The following PARD3 variants were observed in gnomAD, a reference collection of about 807,000 sequenced individuals.
The protein encoded by PARD3 is partitioning defective 3 homolog.
A neutral mutation model predicts 155.4 loss-of-function variants in PARD3; 75 were observed. The observed-to-expected ratio is 0.48, with a 90% CI of 0.40 to 0.58. PARD3 has a LOEUF of 0.58. Among genes scored for constraint, PARD3 ranks in the 20% least tolerant of loss-of-function variants. The pLI is 0.00. For synonymous variants in PARD3, 576 were observed against 610.5 expected, an observed-to-expected ratio of 0.94 and a Z score of 0.83; for missense variants, 1,642 against 1,721.7, an observed-to-expected ratio of 0.95 and a Z score of 0.82.
intron 5 of PARD3, among the ~76,000 whole-genome samples, chr10:34,447,894 A>G (rs1292487806): frequency 1.3e-5 from 2 of 152,198 alleles, no homozygotes; most frequent in Non-Finnish European, 2.9e-5. Flanking sequence ...TGGTAATGTA[A>G]ATTAGGACAG....
intron 15 of PARD3, chr10:34,344,121 T>G (rs1837124114): frequency 1.4e-5 from 14 of 979,636 alleles, no homozygotes; most frequent in Non-Finnish European, 1.7e-5. Flanking sequence ...AGTTTTGTTT[T>G]AAAAAGAAAA....
intron 19 of PARD3, among the ~76,000 whole-genome samples, chr10:34,329,301 AT>A (rs1303407976): frequency 1.3e-5 from 2 of 152,166 alleles, no homozygotes; most frequent in Non-Finnish European, 2.9e-5. Flanking sequence ...ATTAAATAAC[AT>A]TTTAACCAGA....
chr10:34,222,773 T>C (rs926557619), intron 22 of PARD3, among the ~76,000 whole-genome samples: 18 of 152,194 alleles, frequency 1.2e-4, no homozygotes, highest in African/African-American at 2.9e-4. Context: ...CAGAGTCACA[T>C]TGCTCCTCTG....
intron 22 of PARD3, among the ~76,000 whole-genome samples, chr10:34,172,007 C>CCAACTTCT (rs1435481779): frequency 6.6e-6 from 1 of 150,428 alleles, no homozygotes; most frequent in East Asian, 1.9e-4. Flanking sequence ...AACCCAACCC[C>CCAACTTCT]CAACTTCTCT....
intron 1 of PARD3, among the ~76,000 whole-genome samples, chr10:34,696,910 A>C (rs545545204): frequency 1.1e-4 from 16 of 152,044 alleles, no homozygotes; most frequent in African/African-American, 3.9e-4. Flanking sequence ...AGGTCTAAAG[A>C]TAGGGACACA....
chr10:34,229,614 T>G (rs1261623264), intron 22 of PARD3, among the ~76,000 whole-genome samples: 1 of 151,970 alleles, frequency 6.6e-6, no homozygotes, highest in Non-Finnish European at 1.5e-5. Context: ...ACTATCATTT[T>G]GCTCTTGTTC....
intron 7 of PARD3, 31 bp downstream of exon 7, chr10:34,399,299 G>T: frequency 3.9e-6 from 5 of 1,296,924 alleles, no homozygotes; most frequent in Non-Finnish European, 1.1e-6. Context: ...TCTACATTAT[G>T]ATTCAATTAA....
intron 2 of PARD3, among the ~76,000 whole-genome samples, chr10:34,625,809 G>A (rs2091953525): frequency 1.3e-5 from 2 of 152,172 alleles, no homozygotes; most frequent in Non-Finnish European, 2.9e-5. Context: ...TACTTGGGAG[G>A]CTGAGGCAGG....
intron 18 of PARD3, among the ~76,000 whole-genome samples, chr10:34,332,222 A>G (rs757993060): frequency 6.6e-6 from 1 of 152,156 alleles, no homozygotes; most frequent in Non-Finnish European, 1.5e-5. Flanking sequence ...GATAATACCA[A>G]TAGTACCAAG....
intron 22 of PARD3, among the ~76,000 whole-genome samples, chr10:34,171,948 C>G (rs1949813268): frequency 1.7e-5 from 1 of 60,200 alleles, no homozygotes. Flanking sequence ...GAGACTCCAT[C>G]TCAAAAAAAA....
chr10:34,233,928 C>G (rs1167604956), intron 22 of PARD3, among the ~76,000 whole-genome samples: 1 of 152,072 alleles, frequency 6.6e-6, no homozygotes, highest in African/African-American at 2.4e-5. Flanking sequence ...CTGCCTTCTG[C>G]AGTTATTATC....
intron 1 of PARD3, among the ~76,000 whole-genome samples, chr10:34,709,088 G>A (rs1420309344): frequency 6.6e-6 from 1 of 152,046 alleles, no homozygotes; most frequent in East Asian, 1.9e-4. Context: ...CAAAATGCTT[G>A]GGACCAAAAG....
At chr10:34,731,109 G>A (rs2094809530) in intron 1 of PARD3, among the ~76,000 whole-genome samples, 1 of 108,090 alleles carries the variant, frequency 9.3e-6, no homozygotes, top group African/African-American at 3.0e-5. Flanking sequence ...TGTTGAATAC[G>A]CTATGAGCAA....
chr10:34,805,412 C>T (rs970307816), intron 1 of PARD3, among the ~76,000 whole-genome samples: 3 of 151,878 alleles, frequency 2.0e-5, no homozygotes, highest in African/African-American at 7.3e-5. Context: ...AGTTCCAAAA[C>T]CTTAAATCTT....
At position 34,332,572 on chromosome 10, in the gene PARD3, G is replaced by C. The variant is rs1835729303; in HGVS notation, c.2606-1228C>G. Among the ~76,000 whole-genome samples, 3 of 152,210 alleles carry C rather than the reference G, an allele frequency of 2.0e-5. No homozygotes were observed. In the South Asian group the frequency reaches 6.2e-4, roughly 32 times the overall value. On this transcript the variant is annotated intron_variant, in intron 18 of 24. Coordinates refer to ENST00000374788, the MANE Select transcript of PARD3 (RefSeq NM_001184785.2). ...AAATAGAATTAAAATTACACTGAAAGACTCAAAACAAAATTTAATTTTTTA... is the reference window on the plus strand; with the variant it reads ...AAATAGAATTAAAATTACACTGAAACACTCAAAACAAAATTTAATTTTTTA...
chr10:34,783,389 G>T (rs912456548), intron 1 of PARD3, among the ~76,000 whole-genome samples: 3 of 151,780 alleles, frequency 2.0e-5, no homozygotes, highest in African/African-American at 7.3e-5. Context: ...CAGATCACAA[G>T]GTCAGGAGAT....
intron 20 of PARD3, among the ~76,000 whole-genome samples, chr10:34,304,447 T>C (rs559323641): frequency 1.3e-5 from 2 of 152,274 alleles, no homozygotes; most frequent in South Asian, 4.2e-4. Flanking sequence ...AAATACTAAC[T>C]TCTGCATTTC....
At chr10:34,341,869 A>G (rs1034346209) in intron 15 of PARD3, 53 bp from the exon 16 acceptor site, 20 of 1,098,144 alleles carry the variant, frequency 1.8e-5, no homozygotes, top group Non-Finnish European at 2.4e-5. Flanking sequence ...TCAAAGTGTT[A>G]CATCTATTAA....
At chr10:34,281,801 C>T (rs1310289929) in intron 21 of PARD3, among the ~76,000 whole-genome samples, 2 of 151,916 alleles carry the variant, frequency 1.3e-5, no homozygotes, top group African/African-American at 4.8e-5. Context: ...GGTTTGTGGA[C>T]AATCATAACT....
Sources: gnomAD v4.1 joint callset for allele counts (sites outside exome capture counted in the v4.1 genomes callset) on GRCh38, gnomAD v4.1.1 for gene constraint, MANE v1.5 for transcripts, NCBI Gene and HGNC (gene_info 2026-07-23, HGNC 2026-07-21) for gene names.